BACH2: variants seen among roughly 807,000 people sequenced by gnomAD.
The protein encoded by BACH2 is transcription regulator protein BACH2.
Under a neutral mutation model 61.8 loss-of-function variants are expected in BACH2, and 5 were observed. The observed-to-expected ratio is 0.08, with a 90% confidence interval of 0.04 to 0.17. The LOEUF is 0.17. Among genes scored for constraint, BACH2 ranks in the 10% least tolerant of loss-of-function variants. BACH2 has a pLI of 1.00. For synonymous variants in BACH2, 446 were observed against 440.1 expected (o/e 1.01, Z -0.17); for missense variants, 824 against 1,091.1 (o/e 0.76, Z 3.45).
At chr6:90,190,413 T>C (rs1013902149) in intron 4 of BACH2, among the ~76,000 whole-genome samples, 1 of 152,278 alleles carries the variant, frequency 6.6e-6, no homozygotes, top group Non-Finnish European at 1.5e-5. Flanking sequence ...ATTGATTTAC[T>C]ATTTCTGCTC....
rs749507964 is a variant in BACH2 at position 89,931,569 on chromosome 6, T to C, written c.*839A>G. 8 of 152,556 alleles carry C rather than the reference T, an allele frequency of 5.2e-5. No homozygotes were observed. Among genetic ancestry groups the C allele is most frequent in the Non-Finnish European group, 1.2e-4 (8 of 68,046 alleles). 9.5% of individuals were successfully genotyped at this position (152,556 alleles called of 1,614,324 possible). A position where few individuals can be genotyped will look rare whatever the true frequency, so the allele number is the denominator to read the frequency against. On this transcript the variant is annotated 3_prime_UTR_variant, in exon 9 of 9. Coordinates refer to ENST00000257749, the MANE Select transcript of BACH2 (RefSeq NM_021813.4). The stretch of plus-strand genomic sequence containing the variant: ...TCAGTGCAAGTGGCAAAGTTGACCA[T>C]TACTGTACAGTATCTGCAAGGAAAA...
chr6:90,295,146 C>A (rs1008582954), intron 1 of BACH2, among the ~76,000 whole-genome samples: 1 of 152,124 alleles, frequency 6.6e-6, no homozygotes, highest in African/African-American at 2.4e-5. Flanking sequence ...GCGCCCCGGT[C>A]CCTCTCGTTT....
chr6:90,087,627 T>C (rs1781991201), intron 5 of BACH2, among the ~76,000 whole-genome samples: 1 of 152,320 alleles, frequency 6.6e-6, no homozygotes, highest in Admixed American at 6.5e-5. Flanking sequence ...AACATGATGA[T>C]TCACAAAGTT....
At position 90,113,135 on chromosome 6, in the gene BACH2, G is replaced by T. The variant is rs564170112; in HGVS notation, c.-161-24026C>A. ...TCTTAGAGACCTACAAAGAGATACA[G>T]ATTCCCACACAATAGTTGTGGGAGA... On this transcript the variant is annotated intron_variant, in intron 4 of 8. Transcript: ENST00000257749. Among the ~76,000 whole-genome samples the T allele has an allele frequency of 3.9e-5, 6 of 152,266 alleles. No homozygotes were observed. The East Asian group carries it at 1.2e-3, about 29-fold the overall frequency.
At chr6:90,229,776 G>A (rs530699043) in intron 3 of BACH2, among the ~76,000 whole-genome samples, 12 of 152,320 alleles carry the variant, frequency 7.9e-5, no homozygotes, top group Non-Finnish European at 1.6e-4. Context: ...GCGGCTTTGC[G>A]ATTTAGACTA....
intron 2 of BACH2, among the ~76,000 whole-genome samples, chr6:90,271,407 G>GA (rs374114454): frequency 1.8e-4 from 26 of 141,420 alleles, no homozygotes; most frequent in Non-Finnish European, 3.7e-4. Flanking sequence ...GAAAGGAAAA[G>GA]AAAAAAAAAG....
chr6:90,288,346 T>C, intron 1 of BACH2, among the ~76,000 whole-genome samples: 1 of 152,096 alleles, frequency 6.6e-6, no homozygotes, highest in African/African-American at 2.4e-5. Flanking sequence ...CCTCCAACAC[T>C]GACACACTAA....
chr6:90,048,251 C>G (rs1356526872), intron 5 of BACH2, among the ~76,000 whole-genome samples: 1 of 152,136 alleles, frequency 6.6e-6, no homozygotes, highest in Non-Finnish European at 1.5e-5. Flanking sequence ...GCCTCAGCCA[C>G]CTGAGTTGCT....
chr6:90,037,923 T>A (rs1183080949), intron 5 of BACH2, among the ~76,000 whole-genome samples: 1 of 152,226 alleles, frequency 6.6e-6, no homozygotes, highest in Admixed American at 6.5e-5. Context: ...GAGAGTGATG[T>A]GGCTACAAGC....
At position 90,070,335 on chromosome 6, in the gene BACH2, G is replaced by T. The variant is rs75487886; in HGVS notation, c.-13+18626C>A. On this transcript the variant is annotated intron_variant, in intron 5 of 8. Coordinates refer to ENST00000257749, the MANE Select transcript of BACH2 (RefSeq NM_021813.4). ...CACTCGCACAGCTAGCAAGAGACCA[G>T]GAAGCACATGGACTGGGACTTGATC... is the stretch of plus-strand genomic sequence containing the variant. 5.9e-3 allele frequency among the ~76,000 whole-genome samples: 899 copies of T among 152,278 alleles called. 52 individuals carry two copies. The East Asian group carries it at 0.14, about 23-fold the overall frequency.
At chr6:89,985,991 C>T (rs1196864384) in intron 6 of BACH2, among the ~76,000 whole-genome samples, 2 of 152,196 alleles carry the variant, frequency 1.3e-5, no homozygotes, top group Non-Finnish European at 2.9e-5. Context: ...CTGCTGCCCA[C>T]GTGCTCCCTG....
At chr6:90,085,877 G>A (rs116810652) in intron 5 of BACH2, among the ~76,000 whole-genome samples, 3,533 of 152,172 alleles carry the variant, frequency 0.023, 145 homozygotes, top group African/African-American at 0.08. Flanking sequence ...GTGCATTTCG[G>A]TGGCATTAAA....
chr6:89,926,996 G>A lies in BACH2; in HGVS notation c.*5412C>T, dbSNP rs1772390809. The stretch of plus-strand genomic sequence containing the variant: ...CTGTCCGTATTGTTCAACCTGGGGA[G>A]GAAGAGAAGAGGGGCTGCAGCCCCT... On this transcript the variant is annotated 3_prime_UTR_variant, in exon 9 of 9. Coordinates refer to ENST00000257749, the MANE Select transcript of BACH2 (RefSeq NM_021813.4). 6.5e-6 allele frequency: 1 copy of A among 152,782 alleles called. No homozygotes were observed. The highest frequency in any genetic ancestry group is 2.1e-4 in the South Asian group (1 of 4,834). 9.5% of individuals were successfully genotyped at this position (152,782 alleles called of 1,614,324 possible).
At chr6:89,946,334 G>C (rs1037043671) in intron 7 of BACH2, among the ~76,000 whole-genome samples, 1 of 152,154 alleles carries the variant, frequency 6.6e-6, no homozygotes, top group African/African-American at 2.4e-5. Context: ...CAACTAGTAT[G>C]GGCAAGAATA....
At chr6:89,968,891 G>A (rs953497020) in intron 6 of BACH2, among the ~76,000 whole-genome samples, 1 of 152,016 alleles carries the variant, frequency 6.6e-6, no homozygotes, top group Non-Finnish European at 1.5e-5. Context: ...TATGCCTGTA[G>A]TCCCAGCTAC....
At chr6:89,994,971 T>C (rs1193882006) in intron 6 of BACH2, among the ~76,000 whole-genome samples, 1 of 152,214 alleles carries the variant, frequency 6.6e-6, no homozygotes, top group Non-Finnish European at 1.5e-5. Context: ...GAGATCATAC[T>C]GGGCATATCG....
intron 5 of BACH2, among the ~76,000 whole-genome samples, chr6:90,038,274 A>C (rs1351433592): frequency 2.0e-5 from 3 of 152,222 alleles, no homozygotes; most frequent in Admixed American, 6.5e-5. Flanking sequence ...ACCACCACCC[A>C]AATGAAGACT....
At chr6:90,011,788 G>A (rs1027218639) in intron 5 of BACH2, among the ~76,000 whole-genome samples, 3 of 151,992 alleles carry the variant, frequency 2.0e-5, no homozygotes, top group African/African-American at 7.3e-5. Flanking sequence ...GGGTGTGGTG[G>A]TACGTGCCTG....
rs998461436 is a variant in BACH2, at chr6:90,296,748, T to G, written c.-714A>C. 7.8e-4 allele frequency: 130 copies of G among 165,790 alleles called. No homozygotes were observed. The highest frequency in any genetic ancestry group is 5.6e-3 in the South Asian group (34 of 6,106). The allele number at this position is 165,790 out of a possible 1,614,324, so 10.3% of individuals were successfully genotyped here. ...GTGGCGAGGGCGGCGGCCGCTCACG[T>G]TAGCGCTGTGCGACCGCAGCCCGGG... On this transcript the variant is annotated 5_prime_UTR_variant, in exon 1 of 9. Transcript: ENST00000257749.
Sources: gnomAD v4.1 joint callset for allele counts (sites outside exome capture counted in the v4.1 genomes callset) on GRCh38, gnomAD v4.1.1 for gene constraint, MANE v1.5 for transcripts, NCBI Gene and HGNC (gene_info 2026-07-23, HGNC 2026-07-21) for gene names.